Variants in ZNF618 observed in about 807,000 individuals in gnomAD.
The protein encoded by ZNF618 is zinc finger protein 618.
Under a neutral mutation model 103.0 loss-of-function variants are expected in ZNF618, and 34 were observed. The ratio of observed to expected loss-of-function variants is 0.33; its 90% CI spans 0.25 to 0.44. ZNF618 has a LOEUF of 0.44. Among genes scored for constraint, ZNF618 ranks in the 20% least tolerant of loss-of-function variants. The probability of loss-of-function intolerance (pLI) is 1.00; values close to 1 mark genes in which losing one functional copy is unlikely to be tolerated. For synonymous variants in ZNF618, 551 were observed against 542.2 expected (o/e 1.02, Z -0.23); for missense variants, 1,059 against 1,295.4 (o/e 0.82, Z 2.80).
At chr9:113,951,163 T>C (rs1192659788) in intron 1 of ZNF618, among the ~76,000 whole-genome samples, 4 of 151,322 alleles carry the variant, frequency 2.6e-5, no homozygotes, top group African/African-American at 9.7e-5. Flanking sequence ...AACAACTTGC[T>C]GTGATGGGGC....
chr9:113,918,997 A>C (rs949783786), intron 1 of ZNF618, among the ~76,000 whole-genome samples: 4 of 152,196 alleles, frequency 2.6e-5, no homozygotes, highest in African/African-American at 9.6e-5. Context: ...TCATATCCTC[A>C]CTAGCCTCCC....
At chr9:113,979,393 T>G (rs1473239849) in intron 2 of ZNF618, among the ~76,000 whole-genome samples, 1 of 152,130 alleles carries the variant, frequency 6.6e-6, no homozygotes, top group Non-Finnish European at 1.5e-5. Context: ...TGTGTTACAT[T>G]TTAGAAATTT....
chr9:113,943,388 G>A (rs1020694449), intron 1 of ZNF618, among the ~76,000 whole-genome samples: 4 of 152,290 alleles, frequency 2.6e-5, no homozygotes, highest in Admixed American at 1.3e-4. Flanking sequence ...CAGTGACTGC[G>A]TGTACAGAAG....
intron 10 of ZNF618, among the ~76,000 whole-genome samples, chr9:114,018,320 T>C (rs1323789): frequency 0.97 from 147,574 of 152,326 alleles, 71,594 homozygotes; most frequent in Non-Finnish European, 1. Flanking sequence ...CCATGGCCTG[T>C]GCCCCTCTGG....
intron 13 of ZNF618, among the ~76,000 whole-genome samples, chr9:114,039,892 A>G (rs74355737): frequency 7.2e-5 from 11 of 152,182 alleles, no homozygotes; most frequent in Admixed American, 2.0e-4. Flanking sequence ...CTGGGAAGCA[A>G]CCTTTATTCC....
At chr9:113,936,624 T>C (rs1320082995) in intron 1 of ZNF618, among the ~76,000 whole-genome samples, 1 of 152,180 alleles carries the variant, frequency 6.6e-6, no homozygotes, top group Non-Finnish European at 1.5e-5. Flanking sequence ...TGTACTACAG[T>C]AAGAATAGTA....
chr9:114,007,340 T>G lies in ZNF618; in HGVS notation c.551-10T>G. The G allele has an allele frequency of 6.2e-7, 1 of 1,613,226 alleles. No individual in the cohort carries two copies. Among genetic ancestry groups the G allele is most frequent in the Non-Finnish European group, 8.5e-7 (1 of 1,179,532 alleles). ...CCTGGTAACCAGGTGTGTGTTTTCATCCCATGCAGACAATTTCAGGTACAC... is the reference window on the plus strand; with the variant it reads ...CCTGGTAACCAGGTGTGTGTTTTCAGCCCATGCAGACAATTTCAGGTACAC... On this transcript the variant is annotated splice_polypyrimidine_tract_variant and intron_variant, in intron 6 of 14. Transcript: ENST00000374126.
intron 3 of ZNF618, among the ~76,000 whole-genome samples, chr9:113,996,259 T>C (rs905948628): frequency 2.0e-5 from 3 of 152,196 alleles, no homozygotes; most frequent in Admixed American, 2.0e-4. Context: ...CCTGAACATT[T>C]GTTCTCTGAA....
At chr9:114,038,456 C>T (rs1844827070) in intron 13 of ZNF618, among the ~76,000 whole-genome samples, 1 of 152,240 alleles carries the variant, frequency 6.6e-6, no homozygotes, top group African/African-American at 2.4e-5. Flanking sequence ...GGCTGAATCC[C>T]AGCCACACTG....
chr9:114,002,740 C>A lies in ZNF618; in HGVS notation c.550+78C>A, dbSNP rs1033337333. 5 of 1,509,404 alleles carry A rather than the reference C, an allele frequency of 3.3e-6. No homozygotes were observed. In the African/African-American group the frequency reaches 5.5e-5, roughly 17 times the overall value. 93.5% of individuals were successfully genotyped at this position (1,509,404 alleles called of 1,614,324 possible). On this transcript the variant is annotated intron_variant, in intron 6 of 14. Transcript: ENST00000374126. ...GATGAAGAGGAGCTGCTTGTCCCCT[C>A]CCCCAGAACTGCTCCAGGTGGCCTC...
Position 114,050,343 on chromosome 9 carries a change from GC to G in ZNF618, c.*178del. On this transcript the variant is annotated 3_prime_UTR_variant, in exon 15 of 15. Transcript: ENST00000374126. Reference sequence around the variant, plus strand: ...GTGTGTGTGTGCGTGTATGTACACAGCCACACGTGTGTGCACGTGTCTGAAC... The same window carrying G: ...GTGTGTGTGTGCGTGTATGTACACAGCACACGTGTGTGCACGTGTCTGAAC... 1 of 711,492 alleles carries G rather than the reference GC, an allele frequency of 1.4e-6. No homozygotes were observed. Among genetic ancestry groups the G allele is most frequent in the Non-Finnish European group, 2.2e-6 (1 of 450,914 alleles). 44.1% of individuals were successfully genotyped at this position (711,492 alleles called of 1,614,324 possible). A position where few individuals can be genotyped will look rare whatever the true frequency, so the allele number is the denominator to read the frequency against.
At chr9:114,013,710 C>A (rs1398820030) in intron 9 of ZNF618, among the ~76,000 whole-genome samples, 1 of 152,210 alleles carries the variant, frequency 6.6e-6, no homozygotes, top group African/African-American at 2.4e-5. Flanking sequence ...GGATTACAGG[C>A]GTGAGCCACC....
intron 1 of ZNF618, among the ~76,000 whole-genome samples, chr9:113,923,502 T>C (rs1346182570): frequency 3.9e-5 from 6 of 152,150 alleles, no homozygotes; most frequent in Non-Finnish European, 5.9e-5. Flanking sequence ...TTATTATGAA[T>C]GAGTGTCAAA....
intron 9 of ZNF618, among the ~76,000 whole-genome samples, chr9:114,009,938 G>T (rs1842087341): frequency 6.6e-6 from 1 of 152,176 alleles, no homozygotes. Context: ...ATGAGATAAT[G>T]TCTATAAAGT....
In ZNF618 at chr9:114,055,828, G is replaced by A. The variant is rs1846449850; in HGVS notation, c.*5661G>A. ...TTTTCTTAATCCTTATAAGTTTTAT[G>A]TGTTTAATATTTCTTAATACCGGTA... On this transcript the variant is annotated 3_prime_UTR_variant, in exon 15 of 15. Transcript: ENST00000374126. 6.6e-6 allele frequency: 1 copy of A among 152,252 alleles called. No individual in the cohort carries two copies. Among genetic ancestry groups the A allele is most frequent in the African/African-American group, 2.4e-5 (1 of 41,324 alleles). 9.4% of individuals were successfully genotyped at this position (152,252 alleles called of 1,614,324 possible). A position where few individuals can be genotyped will look rare whatever the true frequency, so the allele number is the denominator to read the frequency against.
intron 1 of ZNF618, among the ~76,000 whole-genome samples, chr9:113,916,502 G>A (rs1165725096): frequency 6.6e-6 from 1 of 152,220 alleles, no homozygotes. Context: ...GTAGAGGTAA[G>A]TGTACCAGTC....
At chr9:113,998,169 T>G in intron 3 of ZNF618, 90 bp from the exon 4 acceptor site, 1 of 1,187,328 alleles carries the variant, frequency 8.4e-7, no homozygotes, top group African/African-American at 1.5e-5. Flanking sequence ...TTGTCCACGC[T>G]TCTCAAAGTG....
intron 2 of ZNF618, 89 bp from the exon 3 acceptor site, chr9:113,988,232 C>A: frequency 2.0e-6 from 3 of 1,482,764 alleles, no homozygotes; most frequent in Non-Finnish European, 2.7e-6. Context: ...ATGCACACAG[C>A]CTGGCATGTC....
intron 1 of ZNF618, among the ~76,000 whole-genome samples, chr9:113,935,456 G>A (rs1833947403): frequency 6.6e-6 from 1 of 152,148 alleles, no homozygotes; most frequent in East Asian, 1.9e-4. Context: ...TTGCAGTGAT[G>A]GAAGCACCAC....
Sources: gnomAD v4.1 joint callset for allele counts (sites outside exome capture counted in the v4.1 genomes callset) on GRCh38, gnomAD v4.1.1 for gene constraint, MANE v1.5 for transcripts, NCBI Gene and HGNC (gene_info 2026-07-23, HGNC 2026-07-21) for gene names.